Variants in GBP2 observed in about 807,000 individuals in gnomAD.
GBP2 encodes guanylate binding protein 2.
A neutral mutation model predicts 60.8 loss-of-function variants in GBP2; 54 were observed. The observed-to-expected ratio is 0.89, with a 90% CI of 0.71 to 1.11. The LOEUF is 1.11. Ranked by LOEUF, GBP2 falls within the 50% of genes most tolerant of loss-of-function variation. The pLI is 0.00. For synonymous variants in GBP2, 243 were observed against 256.5 expected, an observed-to-expected ratio of 0.95 and a Z score of 0.50; for missense variants, 665 against 703.3, an observed-to-expected ratio of 0.95 and a Z score of 0.62.
At chr1:89,122,853 C>T (rs1259953409) in intron 1 of GBP2, among the ~76,000 whole-genome samples, 1 of 152,208 alleles carries the variant, frequency 6.6e-6, no homozygotes, top group African/African-American at 2.4e-5. Context: ...TGATGTTTGA[C>T]TAAAAGTAAT....
chr1:89,117,866 AT>A, intron 4 of GBP2, 93 bp from the exon 5 acceptor site: 1 of 928,400 alleles, frequency 1.1e-6, no homozygotes, highest in Non-Finnish European at 1.6e-6. Flanking sequence ...GTTTCTTTTT[AT>A]TAGCTCATTC....
chr1:89,106,626 T>C lies in GBP2; in HGVS notation c.*1549A>G, dbSNP rs1359439024. 2.0e-5 allele frequency: 3 copies of C among 152,216 alleles called. No homozygotes were observed. The highest frequency in any genetic ancestry group is 6.5e-5 in the Admixed American group (1 of 15,282). 9.4% of individuals were successfully genotyped at this position (152,216 alleles called of 1,614,324 possible). A position where few individuals can be genotyped will look rare whatever the true frequency, so the allele number is the denominator to read the frequency against. On this transcript the variant is annotated 3_prime_UTR_variant, in exon 11 of 11. Coordinates refer to ENST00000370466, the MANE Select transcript of GBP2 (RefSeq NM_004120.5). ...ATTCCTACTATAAGATTTATCTCCA[T>C]ACATCTGCATGGAAAAACTGGTTGA...
chr1:89,117,855 G>C, intron 4 of GBP2, 82 bp from the exon 5 acceptor site: 1 of 1,170,748 alleles, frequency 8.5e-7, no homozygotes, highest in East Asian at 2.6e-5. Flanking sequence ...AAAATAATTT[G>C]GTTTCTTTTT....
intron 4 of GBP2, chr1:89,119,622 G>T (rs2183159): frequency 0.67 from 102,569 of 152,056 alleles, 34,772 homozygotes; most frequent in East Asian, 0.78. Flanking sequence ...AAAAATAGTG[G>T]TGTAGTCTGA....
At chr1:89,112,426 A>AT in intron 8 of GBP2, 46 bp downstream of exon 8, 1 of 1,540,608 alleles carries the variant, frequency 6.5e-7, no homozygotes, top group South Asian at 1.1e-5. Context: ...CTTTAAAAGC[A>AT]TCCCCTCAGC....
At chr1:89,121,721 G>C in intron 2 of GBP2, 56 bp downstream of exon 2, 1 of 1,551,320 alleles carries the variant, frequency 6.4e-7, no homozygotes, top group Non-Finnish European at 8.8e-7. Flanking sequence ...CCCTAAGCTG[G>C]ATGTTCGCCG....
Position 89,121,892 on chromosome 1 carries a change from T to A in GBP2, c.75A>T (p.Pro25=). 2 of 1,614,122 alleles carry A rather than the reference T, an allele frequency of 1.2e-6. No individual in the cohort carries two copies. The highest frequency in any genetic ancestry group is 1.7e-6 in the Non-Finnish European group (2 of 1,179,988). Residue 25 remains proline, a synonymous_variant, in exon 2 of 11, where the codon CCA becomes CCT. Coordinates refer to ENST00000370466, the MANE Select transcript of GBP2 (RefSeq NM_004120.5). ...DNTKGQLVVN[P]EALKILSAIT... is the part of the protein sequence containing the mutation. ...TTGCAGATAGGATCTTCAGAGCTTCTGGATTCACCACCAGCTGCCCTTTAG... is the reference window on the plus strand; with the variant it reads ...TTGCAGATAGGATCTTCAGAGCTTCAGGATTCACCACCAGCTGCCCTTTAG...
At chr1:89,119,901 T>G (rs560298648) in intron 4 of GBP2, 1 of 361,258 alleles carries the variant, frequency 2.8e-6, no homozygotes, top group East Asian at 6.2e-5. Flanking sequence ...GAACATGAGT[T>G]CTAGAGGACA....
At chr1:89,111,234 G>A (rs7518894) in intron 8 of GBP2, among the ~76,000 whole-genome samples, 93,587 of 151,954 alleles carry the variant, frequency 0.62, 29,715 homozygotes, top group East Asian at 0.78. Context: ...ACTTTCCTCT[G>A]ACATCTGGAA....
intron 10 of GBP2, among the ~76,000 whole-genome samples, chr1:89,108,961 T>C (rs1038059804): frequency 1.3e-4 from 19 of 151,366 alleles, no homozygotes; most frequent in African/African-American, 4.4e-4. Flanking sequence ...AATGGCGCCA[T>C]CTTGGCTCAC....
intron 1 of GBP2, among the ~76,000 whole-genome samples, chr1:89,125,361 T>C (rs1681497972): frequency 6.6e-6 from 1 of 152,060 alleles, no homozygotes; most frequent in Non-Finnish European, 1.5e-5. Context: ...CTTACAACAA[T>C]GGCTCACAGA....
intron 6 of GBP2, among the ~76,000 whole-genome samples, chr1:89,116,677 T>A (rs1224249281): frequency 6.6e-6 from 1 of 152,210 alleles, no homozygotes; most frequent in African/African-American, 2.4e-5. Context: ...TATTTGCTTT[T>A]TTCTTTGTTG....
At chr1:89,117,871 C>T in intron 4 of GBP2, 98 bp from the exon 5 acceptor site, 2 of 878,582 alleles carry the variant, frequency 2.3e-6, no homozygotes, top group South Asian at 1.9e-5. Context: ...TTTTTATTAG[C>T]TCATTCATTC....
intron 4 of GBP2, chr1:89,118,963 TACAAAAG>T (rs1439852135): frequency 6.6e-6 from 1 of 152,192 alleles, no homozygotes; most frequent in African/African-American, 2.4e-5. Flanking sequence ...AGAAGCTGGA[TACAAAAG>T]TTTGAATTTG....
chr1:89,114,684 T>G (rs1443354758), intron 6 of GBP2, among the ~76,000 whole-genome samples: 2 of 152,206 alleles, frequency 1.3e-5, no homozygotes, highest in Non-Finnish European at 2.9e-5. Context: ...TAGTCACTAG[T>G]CTGGTGTCTG....
chr1:89,115,755 T>G (rs751583111), intron 6 of GBP2, among the ~76,000 whole-genome samples: 2 of 152,134 alleles, frequency 1.3e-5, no homozygotes, highest in Non-Finnish European at 2.9e-5. Context: ...CAAGCACCAC[T>G]GCACTTGGCT....
intron 6 of GBP2, among the ~76,000 whole-genome samples, chr1:89,115,229 C>T (rs188341872): frequency 6.0e-4 from 91 of 152,274 alleles, no homozygotes; most frequent in African/African-American, 2.1e-3. Flanking sequence ...ATCAACAGGC[C>T]TTTTAGATTT....
chr1:89,111,892 T>C (rs1273361239), intron 8 of GBP2, among the ~76,000 whole-genome samples: 1 of 152,226 alleles, frequency 6.6e-6, no homozygotes, highest in East Asian at 1.9e-4. Flanking sequence ...TTCATACTTA[T>C]ATCAAAACAT....
chr1:89,110,900 G>A lies in GBP2; in HGVS notation c.1363-634C>T, dbSNP rs370164769. Among the ~76,000 whole-genome samples the A allele has an allele frequency of 3.7e-4, 56 of 152,128 alleles. 6 individuals are homozygous for A. The highest frequency in any genetic ancestry group is 9.2e-4 in the Admixed American group (14 of 15,282). On this transcript the variant is annotated intron_variant, in intron 8 of 10. Coordinates refer to ENST00000370466, the MANE Select transcript of GBP2 (RefSeq NM_004120.5). ...ATCTCTAATGAAAATTGATGCAAAA[G>A]TCCTCAATAAAGTACTAGCAAACCA...
Sources: allele counts gnomAD v4.1 joint callset (sites outside exome capture counted in the v4.1 genomes callset), GRCh38; gene constraint gnomAD v4.1.1; transcripts MANE v1.5; gene names NCBI Gene and HGNC (gene_info 2026-07-23, HGNC 2026-07-21).